Variants in SHB observed in about 807,000 individuals in gnomAD.
SHB encodes the protein SH2 domain-containing adapter protein B.
A neutral mutation model predicts 52.3 loss-of-function variants in SHB; 20 were observed. The observed-to-expected ratio is 0.38, with a 90% CI of 0.27 to 0.56. The LOEUF is 0.56. Ranked by LOEUF, SHB falls within the 20% of genes least tolerant of loss-of-function variation. SHB has a pLI of 0.71. For synonymous variants in SHB, 397 were observed against 316.5 expected, an observed-to-expected ratio of 1.25 and a Z score of -2.70; for missense variants, 825 against 723.3, an observed-to-expected ratio of 1.14 and a Z score of -1.61.
At chr9:37,947,783 C>A (rs140097071) in intron 5 of SHB, among the ~76,000 whole-genome samples, 2 of 152,206 alleles carry the variant, frequency 1.3e-5, no homozygotes, top group Admixed American at 1.3e-4. Flanking sequence ...CCTCTAACAG[C>A]GGTAAGTGGG....
chr9:37,956,151 A>G (rs1281200247), intron 3 of SHB, 97 bp from the exon 4 acceptor site: 7 of 1,145,262 alleles, frequency 6.1e-6, no homozygotes, highest in African/African-American at 3.1e-5. Flanking sequence ...CTAGTTGGCA[A>G]TTTACAGCTT....
Position 37,919,804 on chromosome 9 carries a change from G to C in SHB, c.*17C>G, listed in dbSNP as rs202199096. Reference sequence around the variant, plus strand: ...AAGTCTCAGGCTCTGTCACAGAGCAGGGCAGGTCTGGTCCGCTCACAGGGT... The same window carrying C: ...AAGTCTCAGGCTCTGTCACAGAGCACGGCAGGTCTGGTCCGCTCACAGGGT... On this transcript the variant is annotated 3_prime_UTR_variant, in exon 6 of 6. Coordinates refer to ENST00000377707, the MANE Select transcript of SHB (RefSeq NM_003028.3). 3 of 1,609,420 alleles carry C rather than the reference G, an allele frequency of 1.9e-6. No homozygotes were observed. The South Asian group carries it at 3.3e-5, about 18-fold the overall frequency.
chr9:37,982,973 G>GCCT (rs531905978), intron 2 of SHB, among the ~76,000 whole-genome samples: 2 of 145,206 alleles, frequency 1.4e-5, no homozygotes, highest in African/African-American at 5.3e-5. Context: ...CCTCTCTGGT[G>GCCT]CCCCCCCCTC....
intron 5 of SHB, among the ~76,000 whole-genome samples, chr9:37,944,976 G>A (rs888349538): frequency 6.6e-6 from 1 of 152,176 alleles, no homozygotes; most frequent in Non-Finnish European, 1.5e-5. Context: ...CCTGGAGGCT[G>A]GGCCTGACTG....
intron 2 of SHB, among the ~76,000 whole-genome samples, chr9:37,979,750 AG>A (rs902831511): frequency 1.2e-4 from 19 of 152,198 alleles, no homozygotes; most frequent in Non-Finnish European, 2.6e-4. Flanking sequence ...TGAGGTCAAG[AG>A]TCCGAGACCA....
intron 1 of SHB, among the ~76,000 whole-genome samples, chr9:38,064,172 C>G (rs1011238989): frequency 6.6e-6 from 1 of 151,776 alleles, no homozygotes; most frequent in African/African-American, 2.4e-5. Context: ...ATCCCAGGAG[C>G]TCGGGACCTC....
At chr9:37,986,219 T>A (rs1253758606) in intron 2 of SHB, among the ~76,000 whole-genome samples, 1 of 151,828 alleles carries the variant, frequency 6.6e-6, no homozygotes, top group Admixed American at 6.6e-5. Context: ...TGGGCCCAGG[T>A]GTAGAAGGCT....
At chr9:37,988,238 C>A (rs1232565645) in intron 2 of SHB, among the ~76,000 whole-genome samples, 2 of 152,176 alleles carry the variant, frequency 1.3e-5, no homozygotes, top group African/African-American at 2.4e-5. Flanking sequence ...GACGAGGCTG[C>A]CAGCCTGGGA....
intron 5 of SHB, among the ~76,000 whole-genome samples, chr9:37,923,263 C>T (rs1832204723): frequency 6.6e-6 from 1 of 152,218 alleles, no homozygotes; most frequent in African/African-American, 2.4e-5. Flanking sequence ...GCAAACATCC[C>T]CTCCACGCTG....
intron 2 of SHB, among the ~76,000 whole-genome samples, chr9:38,009,578 A>AAC (rs1460176008): frequency 6.6e-6 from 1 of 152,240 alleles, no homozygotes; most frequent in Non-Finnish European, 1.5e-5. Context: ...TTTCTCCTGA[A>AAC]ACACAGAGGC....
intron 2 of SHB, among the ~76,000 whole-genome samples, chr9:37,976,794 A>G (rs953429944): frequency 6.6e-6 from 1 of 152,192 alleles, no homozygotes; most frequent in Non-Finnish European, 1.5e-5. Context: ...CGAAATCAGA[A>G]TTCTGATGGC....
In SHB at chr9:37,919,735, G is replaced by T. The variant is rs943637741; in HGVS notation, c.*86C>A. On this transcript the variant is annotated 3_prime_UTR_variant, in exon 6 of 6. Transcript: ENST00000377707. Reference sequence around the variant, plus strand: ...ACACACAACACAAACGACACAGCCAGCAACAGTGGCTGGGCTGGTTGGTGG... The same window carrying T: ...ACACACAACACAAACGACACAGCCATCAACAGTGGCTGGGCTGGTTGGTGG... 8.6e-6 allele frequency: 9 copies of T among 1,048,328 alleles called. No homozygotes were observed. In the Admixed American group the frequency reaches 1.1e-4, roughly 13 times the overall value. 64.9% of individuals were successfully genotyped at this position (1,048,328 alleles called of 1,614,324 possible).
chr9:38,035,170 G>A (rs1218050495), intron 1 of SHB, among the ~76,000 whole-genome samples: 4 of 152,086 alleles, frequency 2.6e-5, no homozygotes, highest in South Asian at 4.2e-4. Flanking sequence ...GGATGCAGGC[G>A]TGTTCTGTGG....
intron 5 of SHB, among the ~76,000 whole-genome samples, chr9:37,934,214 A>G (rs944559145): frequency 1.3e-5 from 2 of 152,032 alleles, no homozygotes; most frequent in Non-Finnish European, 2.9e-5. Flanking sequence ...GTCCCAAGAG[A>G]CAGGGTCTTA....
chr9:38,041,489 T>C (rs73439923), intron 1 of SHB, among the ~76,000 whole-genome samples: 170 of 152,128 alleles, frequency 1.1e-3, no homozygotes, highest in African/African-American at 4.0e-3. Flanking sequence ...CTGCATTTGC[T>C]AGGCTGGATG....
At chr9:38,027,442 C>T (rs559798601) in intron 1 of SHB, among the ~76,000 whole-genome samples, 1 of 152,256 alleles carries the variant, frequency 6.6e-6, no homozygotes, top group African/African-American at 2.4e-5. Flanking sequence ...AAAGATGCTG[C>T]TCTTATCCTC....
intron 1 of SHB, among the ~76,000 whole-genome samples, chr9:38,018,670 C>T (rs1417945998): frequency 6.6e-6 from 1 of 152,040 alleles, no homozygotes; most frequent in Non-Finnish European, 1.5e-5. Context: ...CTACACTGAA[C>T]TGTCTGATCT....
At chr9:38,015,172 G>A (rs1821194603) in intron 2 of SHB, among the ~76,000 whole-genome samples, 1 of 152,248 alleles carries the variant, frequency 6.6e-6, no homozygotes, top group South Asian at 2.1e-4. Flanking sequence ...TGGGGTCACA[G>A]GGGCAGCCTA....
chr9:38,023,270 C>T (rs1468190382), intron 1 of SHB, among the ~76,000 whole-genome samples: 2 of 152,230 alleles, frequency 1.3e-5, no homozygotes, highest in Admixed American at 6.5e-5. Context: ...TGGGTAACTC[C>T]GTGCAACCTG....
Sources: allele counts gnomAD v4.1 joint callset (sites outside exome capture counted in the v4.1 genomes callset), GRCh38; gene constraint gnomAD v4.1.1; transcripts MANE v1.5; gene names NCBI Gene and HGNC (gene_info 2026-07-23, HGNC 2026-07-21).